SLC35F4: variants seen among roughly 807,000 people sequenced by gnomAD.
SLC35F4 encodes the protein solute carrier family 35 member F4.
In SLC35F4, 24 loss-of-function variants were observed where a neutral mutation model predicts 44.2. That is an observed-to-expected ratio of 0.54 (90% CI 0.39 to 0.76). The LOEUF (loss-of-function observed/expected upper bound fraction) is 0.76, where lower values mean the gene tolerates loss of function less well. Among genes scored for constraint, SLC35F4 ranks in the 30% least tolerant of loss-of-function variants. The pLI, the probability that SLC35F4 is intolerant of heterozygous loss-of-function variation, is 0.00. For missense variants in SLC35F4, 562 were observed against 586.1 expected (o/e 0.96, Z 0.42); for synonymous variants, 238 against 223.6 (o/e 1.06, Z -0.57).
intron 1 of SLC35F4, among the ~76,000 whole-genome samples, chr14:57,603,097 A>G (rs997882932): frequency 1.3e-5 from 2 of 152,232 alleles, no homozygotes; most frequent in Non-Finnish European, 1.5e-5. Flanking sequence ...GAACATTTAT[A>G]GAAATCTGAA....
chr14:57,675,420 C>A (rs766403522), intron 1 of SLC35F4, among the ~76,000 whole-genome samples: 38 of 151,900 alleles, frequency 2.5e-4, no homozygotes, highest in Non-Finnish European at 5.3e-4. Flanking sequence ...TTGGATGAGT[C>A]CTTAGGGTTT....
chr14:57,645,763 C>T (rs537157906), intron 1 of SLC35F4, among the ~76,000 whole-genome samples: 2 of 151,372 alleles, frequency 1.3e-5, no homozygotes, highest in East Asian at 3.9e-4. Flanking sequence ...GTAGGCTTGT[C>T]ATAGATAGCT....
At chr14:57,779,572 A>G (rs1349148949) in intron 1 of SLC35F4, among the ~76,000 whole-genome samples, 3 of 152,184 alleles carry the variant, frequency 2.0e-5, no homozygotes, top group Non-Finnish European at 2.9e-5. Flanking sequence ...ACTTCTCCCC[A>G]TCTCATTCTA....
chr14:57,709,060 A>G (rs560050758), intron 1 of SLC35F4, among the ~76,000 whole-genome samples: 3 of 152,222 alleles, frequency 2.0e-5, no homozygotes, highest in African/African-American at 7.2e-5. Context: ...CCACTGAAGC[A>G]CAGCATCACA....
intron 1 of SLC35F4, among the ~76,000 whole-genome samples, chr14:57,915,226 A>C (rs1889296941): frequency 6.6e-6 from 1 of 152,104 alleles, no homozygotes; most frequent in Non-Finnish European, 1.5e-5. Flanking sequence ...CATCCTTTGA[A>C]ACTATTCTGC....
chr14:57,958,975 A>G (rs958066508), intron 1 of SLC35F4, among the ~76,000 whole-genome samples: 3 of 152,184 alleles, frequency 2.0e-5, no homozygotes, highest in Non-Finnish European at 4.4e-5. Flanking sequence ...ATTCAAAGGA[A>G]AAACAAAGCC....
chr14:57,566,606 T>TA, intron 6 of SLC35F4, 42 bp from the exon 7 acceptor site: 1 of 1,531,062 alleles, frequency 6.5e-7, no homozygotes, highest in Non-Finnish European at 8.9e-7. Context: ...AGAGAAATAA[T>TA]ACGCTGGACT....
intron 1 of SLC35F4, among the ~76,000 whole-genome samples, chr14:57,696,123 A>G (rs1318493189): frequency 6.6e-6 from 1 of 152,178 alleles, no homozygotes; most frequent in African/African-American, 2.4e-5. Flanking sequence ...ACAGCAAAAG[A>G]AACTATCAGA....
chr14:57,578,319 TTAAC>T (rs1213450918), intron 4 of SLC35F4, among the ~76,000 whole-genome samples: 2 of 135,340 alleles, frequency 1.5e-5, no homozygotes, highest in South Asian at 2.5e-4. Context: ...AAGCATCCCT[TTAAC>T]TGTTTTTTTT....
At chr14:57,634,286 T>C (rs936100880) in intron 1 of SLC35F4, among the ~76,000 whole-genome samples, 12 of 152,148 alleles carry the variant, frequency 7.9e-5, no homozygotes, top group African/African-American at 2.9e-4. Flanking sequence ...AATGGTGCTA[T>C]GAAGATGTAT....
At chr14:57,757,865 C>G (rs2077030840) in intron 1 of SLC35F4, among the ~76,000 whole-genome samples, 1 of 152,022 alleles carries the variant, frequency 6.6e-6, no homozygotes, top group Non-Finnish European at 1.5e-5. Flanking sequence ...GGATTTCCAC[C>G]TAGCATAATT....
chr14:57,865,854 C>A lies in SLC35F4; in HGVS notation c.-29G>T, dbSNP rs1203256882. 3 of 1,459,292 alleles carry A rather than the reference C, an allele frequency of 2.1e-6. No individual in the cohort carries two copies. Among genetic ancestry groups the A allele is most frequent in the Non-Finnish European group, 2.7e-6 (3 of 1,098,076 alleles). 90.4% of individuals were successfully genotyped at this position (1,459,292 alleles called of 1,614,324 possible). A position where few individuals can be genotyped will look rare whatever the true frequency, so the allele number is the denominator to read the frequency against. On this transcript the variant is annotated 5_prime_UTR_variant, in exon 1 of 8. Transcript: ENST00000556826. ...GAGCGCGGGGCGACGGCCCCGAGTG[C>A]GGCGGGGCGGAGAGCGCAGCGCGGG...
chr14:57,786,878 T>C (rs182517243), intron 1 of SLC35F4, among the ~76,000 whole-genome samples: 37 of 152,120 alleles, frequency 2.4e-4, no homozygotes, highest in African/African-American at 8.7e-4. Flanking sequence ...TCAACAATCA[T>C]ATTAGTTCAG....
At chr14:57,702,828 A>C (rs1235865542) in intron 1 of SLC35F4, among the ~76,000 whole-genome samples, 2 of 152,174 alleles carry the variant, frequency 1.3e-5, no homozygotes, top group Non-Finnish European at 2.9e-5. Context: ...ATATTTAGGC[A>C]TATAAGGAGA....
intron 1 of SLC35F4, among the ~76,000 whole-genome samples, chr14:57,655,147 G>A (rs968948681): frequency 8.6e-5 from 13 of 152,034 alleles, no homozygotes; most frequent in Non-Finnish European, 1.0e-4. Flanking sequence ...AGAACTGAGA[G>A]CCATCTCATA....
chr14:57,917,491 G>C (rs2141055493), intron 1 of SLC35F4, among the ~76,000 whole-genome samples: 1 of 151,976 alleles, frequency 6.6e-6, no homozygotes, highest in South Asian at 2.1e-4. Flanking sequence ...TCTGAGCCTA[G>C]CCCTGATTCT....
intron 1 of SLC35F4, among the ~76,000 whole-genome samples, chr14:57,608,616 T>C (rs1221950551): frequency 6.6e-6 from 1 of 152,082 alleles, no homozygotes; most frequent in Non-Finnish European, 1.5e-5. Flanking sequence ...GCCACCATGT[T>C]TGTGGAACTT....
intron 1 of SLC35F4, among the ~76,000 whole-genome samples, chr14:57,674,853 G>C (rs1327965481): frequency 6.6e-6 from 1 of 152,114 alleles, no homozygotes; most frequent in Non-Finnish European, 1.5e-5. Flanking sequence ...AGGCAGTGAA[G>C]AGGATCCCTA....
intron 1 of SLC35F4, among the ~76,000 whole-genome samples, chr14:57,876,240 A>G (rs1398424963): frequency 6.6e-6 from 1 of 152,194 alleles, no homozygotes; most frequent in Non-Finnish European, 1.5e-5. Flanking sequence ...AACCAAGATG[A>G]AAAGGGAAAC....
Sources: allele counts gnomAD v4.1 joint callset (sites outside exome capture counted in the v4.1 genomes callset), GRCh38; gene constraint gnomAD v4.1.1; transcripts MANE v1.5; gene names NCBI Gene and HGNC (gene_info 2026-07-23, HGNC 2026-07-21).